Variants in ABHD18 observed in about 807,000 individuals in gnomAD.
ABHD18 encodes the protein abhydrolase domain containing 18.
A neutral mutation model predicts 65.9 loss-of-function variants in ABHD18; 55 were observed. That is an observed-to-expected ratio of 0.84 (90% CI 0.67 to 1.05). The LOEUF (loss-of-function observed/expected upper bound fraction) is 1.05. Ranked by LOEUF, ABHD18 falls within the 50% of genes least tolerant of loss-of-function variation. The pLI, the probability that ABHD18 is intolerant of heterozygous loss-of-function variation, is 0.00. For synonymous variants in ABHD18, 181 were observed against 180.2 expected (o/e 1.00, Z -0.04); for missense variants, 533 against 558.5 (o/e 0.95, Z 0.46).
intron 4 of ABHD18, among the ~76,000 whole-genome samples, chr4:127,991,651 T>G (rs550106806): frequency 1.1e-4 from 17 of 152,206 alleles, no homozygotes; most frequent in African/African-American, 4.1e-4. Context: ...TTTTTTCCCC[T>G]ACACTGTTGA....
chr4:128,032,685 C>T lies in ABHD18; in HGVS notation c.1343+2013C>T, dbSNP rs537760861. Among the ~76,000 whole-genome samples the T allele has an allele frequency of 8.5e-5, 13 of 152,126 alleles. No individual in the cohort carries two copies. In the East Asian group the frequency reaches 1.4e-3, roughly 16 times the overall value. On this transcript the variant is annotated intron_variant, in intron 12 of 12. Coordinates refer to ENST00000645843, the MANE Select transcript of ABHD18 (RefSeq NM_001358451.3). ...GGCAGAGGTTGCAGTGAGCTGAGAT[C>T]GCACCACTACATTCCAGCCTGGGTG...
Position 128,020,153 on chromosome 4 carries a change from C to G in ABHD18, c.683C>G (p.Ser228Cys). The G allele has an allele frequency of 6.2e-7, 1 of 1,612,608 alleles. No individual in the cohort carries two copies. The highest frequency in any genetic ancestry group is 1.1e-5 in the South Asian group (1 of 90,936). The change falls in exon 9 of 13, where the codon TCT becomes TGT. Residue 228 changes from serine (S) to cysteine (C), a missense_variant. Around this residue, in one of 3 missense-constraint regions of ABHD18, gnomAD observed 309 missense variants for 313.5 expected, o/e 0.99. Transcript: ENST00000645843. Reference protein sequence around the residue: ...LIPCLSWSTASGVFTTGVLSK... With the variant: ...LIPCLSWSTACGVFTTGVLSK... The stretch of plus-strand genomic sequence containing the variant: ...CCATGCCTGTCTTGGTCCACAGCAT[C>G]TGGGGTCTTCACTACGGTAATTTAA...
chr4:128,002,673 TCGCTCTGTCACCCAC>T (rs1752876653), intron 4 of ABHD18, among the ~76,000 whole-genome samples: 1 of 152,056 alleles, frequency 6.6e-6, no homozygotes, highest in Non-Finnish European at 1.5e-5. Context: ...AGACAGAGTC[TCGCTCTGTCACCCAC>T]GCTGGAGTAC....
chr4:127,988,952 G>C (rs926272192), intron 3 of ABHD18, among the ~76,000 whole-genome samples: 1 of 152,200 alleles, frequency 6.6e-6, no homozygotes, highest in African/African-American at 2.4e-5. Flanking sequence ...GGAAATCACT[G>C]TATCAAAGTG....
intron 4 of ABHD18, among the ~76,000 whole-genome samples, chr4:128,005,101 C>T (rs1233340912): frequency 2.0e-5 from 3 of 151,364 alleles, no homozygotes; most frequent in Non-Finnish European, 2.9e-5. Context: ...TGGTGGCACA[C>T]GCCTGTAATC....
At chr4:128,028,075 C>T (rs1757641794) in intron 10 of ABHD18, among the ~76,000 whole-genome samples, 1 of 152,204 alleles carries the variant, frequency 6.6e-6, no homozygotes, top group Non-Finnish European at 1.5e-5. Context: ...TCACCACCAT[C>T]TATCTCCAAA....
At chr4:128,001,847 T>TTTTG in intron 4 of ABHD18, 4 of 164,590 alleles carry the variant, frequency 2.4e-5, no homozygotes, top group South Asian at 5.9e-4. Flanking sequence ...TTTTGTTTTG[T>TTTTG]TTTTTTTTTT....
intron 1 of ABHD18, among the ~76,000 whole-genome samples, chr4:127,977,481 A>G (rs573839104): frequency 4.6e-5 from 7 of 152,372 alleles, no homozygotes; most frequent in Admixed American, 2.0e-4. Flanking sequence ...TCAAAAAATA[A>G]AAATAAAAAA....
In ABHD18 at chr4:128,028,750, C is replaced by T; in HGVS notation, c.1077C>T (p.Tyr359=). The T allele has an allele frequency of 1.2e-6, 2 of 1,613,832 alleles. No homozygotes were observed. Among genetic ancestry groups the T allele is most frequent in the Non-Finnish European group, 1.7e-6 (2 of 1,179,844 alleles). The change falls in exon 11 of 13, where the codon TAC becomes TAT. Residue 359 remains tyrosine, a synonymous_variant. Coordinates refer to ENST00000645843, the MANE Select transcript of ABHD18 (RefSeq NM_001358451.3). The stretch of plus-strand genomic sequence containing the variant: ...ATACAAGTCGCAACCCTCAGTCATA[C>T]CACCTACTTAGTAAAGAACAAAGCA... The part of the protein sequence containing the change: ...SGYTSRNPQS[Y]HLLSKEQSRN...
chr4:127,974,837 A>C (rs1296313922), intron 1 of ABHD18, among the ~76,000 whole-genome samples: 1 of 151,906 alleles, frequency 6.6e-6, no homozygotes, highest in Non-Finnish European at 1.5e-5. Context: ...TCTACTAAAA[A>C]TAACAAAAAT....
At chr4:128,002,360 A>G (rs936484824) in intron 4 of ABHD18, among the ~76,000 whole-genome samples, 6 of 150,430 alleles carry the variant, frequency 4.0e-5, no homozygotes, top group African/African-American at 4.9e-5. Context: ...GCTGACTGCA[A>G]CCTCTGCCTC....
chr4:127,999,592 T>C (rs1752328237), intron 4 of ABHD18, among the ~76,000 whole-genome samples: 1 of 152,098 alleles, frequency 6.6e-6, no homozygotes, highest in Non-Finnish European at 1.5e-5. Flanking sequence ...TATTATTCTT[T>C]TGAAGGCTGC....
chr4:127,981,033 TCATTGGAA>T (rs1335573082), intron 1 of ABHD18, among the ~76,000 whole-genome samples: 1 of 152,132 alleles, frequency 6.6e-6, no homozygotes, highest in African/African-American at 2.4e-5. Context: ...TCAACAAATC[TCATTGGAA>T]CATAGTAATG....
At chr4:128,033,727 G>A (rs888286592) in intron 12 of ABHD18, among the ~76,000 whole-genome samples, 10 of 151,176 alleles carry the variant, frequency 6.6e-5, no homozygotes, top group Non-Finnish European at 1.0e-4. Flanking sequence ...TAGTAGAGAC[G>A]GGGTTTCACC....
At chr4:128,026,414 G>A (rs889262795) in intron 10 of ABHD18, among the ~76,000 whole-genome samples, 2 of 150,368 alleles carry the variant, frequency 1.3e-5, no homozygotes, top group Non-Finnish European at 1.5e-5. Context: ...AGCTGAAATC[G>A]TGCCATTGCA....
intron 1 of ABHD18, among the ~76,000 whole-genome samples, chr4:127,971,767 C>T (rs1234651747): frequency 6.6e-6 from 1 of 152,054 alleles, no homozygotes; most frequent in African/African-American, 2.4e-5. Context: ...GGATTACAGG[C>T]GTGAGCCACC....
Position 128,027,671 on chromosome 4 carries a change from C to T in ABHD18, c.802-804C>T, listed in dbSNP as rs111960943. ...CGCCTGCTTCAGCTCCCCAAAGTGC[C>T]GGGATTACAGGCGTGAGCCACCGCG... On this transcript the variant is annotated intron_variant, in intron 10 of 12. Coordinates refer to ENST00000645843, the MANE Select transcript of ABHD18 (RefSeq NM_001358451.3). Among the ~76,000 whole-genome samples the T allele has an allele frequency of 6.8e-3, 1,032 of 152,054 alleles. 18 individuals carry two copies. Among genetic ancestry groups the T allele is most frequent in the African/African-American group, 0.024 (977 of 41,498 alleles).
chr4:127,987,715 AAAAT>A (rs1455091488), intron 3 of ABHD18, among the ~76,000 whole-genome samples: 17 of 151,772 alleles, frequency 1.1e-4, no homozygotes, highest in Non-Finnish European at 2.2e-4. Flanking sequence ...TCAAAAAAAA[AAAAT>A]AAATAAATAA....
intron 1 of ABHD18, among the ~76,000 whole-genome samples, chr4:127,979,914 T>G (rs1192308274): frequency 2.0e-5 from 1 of 48,948 alleles, no homozygotes. Flanking sequence ...AGACTCCATC[T>G]CAAAAAAAAA....
Sources: gnomAD v4.1 joint callset for allele counts (sites outside exome capture counted in the v4.1 genomes callset) on GRCh38, gnomAD v4.1.1 for gene constraint, gnomAD v4.1.1 regional missense constraint, MANE v1.5 for transcripts, NCBI Gene and HGNC (gene_info 2026-07-23, HGNC 2026-07-21) for gene names.